The following FSTL5 variants were observed in gnomAD, a reference collection of about 807,000 sequenced individuals.
FSTL5 encodes follistatin-related protein 5.
FSTL5 carries 62 observed loss-of-function variants against 89.1 expected under a neutral mutation model. That is an observed-to-expected ratio of 0.70 (90% confidence interval 0.57 to 0.86). FSTL5 has a LOEUF of 0.86. Among genes scored for constraint, FSTL5 ranks in the 40% least tolerant of loss-of-function variants. The pLI is 0.00. For missense variants in FSTL5, 1,057 were observed against 1,001.6 expected (o/e 1.06, Z -0.75); for synonymous variants, 383 against 346.2 (o/e 1.11, Z -1.18).
At chr4:161,508,422 C>G (rs1485362791) in intron 11 of FSTL5, among the ~76,000 whole-genome samples, 1 of 152,024 alleles carries the variant, frequency 6.6e-6, no homozygotes, top group African/African-American at 2.4e-5. Flanking sequence ...TTTTATGTGA[C>G]TTAAAGTATC....
chr4:161,703,509 C>CA (rs1738472658), intron 6 of FSTL5, among the ~76,000 whole-genome samples: 1 of 152,036 alleles, frequency 6.6e-6, no homozygotes, highest in Non-Finnish European at 1.5e-5. Context: ...CCTCTTGAAG[C>CA]AAAAAACTTA....
intron 6 of FSTL5, among the ~76,000 whole-genome samples, chr4:161,690,874 C>A (rs1737918148): frequency 6.6e-6 from 1 of 152,062 alleles, no homozygotes; most frequent in South Asian, 2.1e-4. Flanking sequence ...TAATTATTAT[C>A]TCCCACTGAT....
chr4:161,898,208 A>G (rs1227791247), intron 4 of FSTL5, among the ~76,000 whole-genome samples: 2 of 150,684 alleles, frequency 1.3e-5, no homozygotes, highest in East Asian at 1.9e-4. Flanking sequence ...AATTTATCAC[A>G]CAGTATATTT....
At chr4:161,725,881 C>T (rs1739382390) in intron 6 of FSTL5, among the ~76,000 whole-genome samples, 1 of 152,114 alleles carries the variant, frequency 6.6e-6, no homozygotes, top group African/African-American at 2.4e-5. Flanking sequence ...TTACTTTTAA[C>T]GACAAAAGGT....
chr4:161,887,817 C>A (rs1422494979), intron 4 of FSTL5, among the ~76,000 whole-genome samples: 2 of 152,156 alleles, frequency 1.3e-5, no homozygotes, highest in African/African-American at 4.8e-5. Context: ...TAGGAAAATG[C>A]TCAAACCTAA....
intron 10 of FSTL5, among the ~76,000 whole-genome samples, chr4:161,520,682 T>C (rs1199768464): frequency 2.6e-5 from 4 of 152,160 alleles, no homozygotes; most frequent in African/African-American, 7.2e-5. Flanking sequence ...GTACTTTAAA[T>C]ATATCTTAGT....
At chr4:161,567,521 C>G (rs1732861439) in intron 8 of FSTL5, among the ~76,000 whole-genome samples, 1 of 151,970 alleles carries the variant, frequency 6.6e-6, no homozygotes, top group Admixed American at 6.6e-5. Flanking sequence ...GTAACATTAC[C>G]CAGTACTTGT....
chr4:162,073,742 T>C (rs1002661861), intron 2 of FSTL5, among the ~76,000 whole-genome samples: 6 of 151,904 alleles, frequency 3.9e-5, no homozygotes, highest in African/African-American at 1.4e-4. Flanking sequence ...CTACTTATTC[T>C]GGTATAATTG....
intron 6 of FSTL5, among the ~76,000 whole-genome samples, chr4:161,695,861 C>G (rs1283010454): frequency 6.6e-6 from 1 of 151,756 alleles, no homozygotes; most frequent in African/African-American, 2.4e-5. Context: ...GAATATTAGT[C>G]CTTTGTTGGA....
chr4:161,725,658 A>G (rs1489064830), intron 6 of FSTL5, among the ~76,000 whole-genome samples: 2 of 151,862 alleles, frequency 1.3e-5, no homozygotes, highest in Non-Finnish European at 2.9e-5. Flanking sequence ...ATTTTGTCTA[A>G]AAAACATAAA....
intron 4 of FSTL5, among the ~76,000 whole-genome samples, chr4:161,894,464 CT>C (rs1198105906): frequency 6.6e-6 from 1 of 151,788 alleles, no homozygotes; most frequent in Non-Finnish European, 1.5e-5. Flanking sequence ...ACAGATGTTT[CT>C]TTCTCTATAT....
chr4:161,753,130 C>A (rs926498698), intron 6 of FSTL5, among the ~76,000 whole-genome samples: 5 of 152,144 alleles, frequency 3.3e-5, no homozygotes, highest in Admixed American at 2.0e-4. Flanking sequence ...AATGACCCAA[C>A]CTTCTGACAG....
intron 2 of FSTL5, among the ~76,000 whole-genome samples, chr4:162,102,658 C>T (rs1731043639): frequency 1.4e-5 from 2 of 141,608 alleles, no homozygotes; most frequent in South Asian, 2.2e-4. Flanking sequence ...TTTATATATA[C>T]ATATATAAAA....
At chr4:161,488,723 T>G (rs1239958790) in intron 12 of FSTL5, among the ~76,000 whole-genome samples, 1 of 152,168 alleles carries the variant, frequency 6.6e-6, no homozygotes, top group Non-Finnish European at 1.5e-5. Context: ...CCACTTATTT[T>G]CATCTAGGAA....
chr4:161,758,815 G>A (rs1032537891), intron 6 of FSTL5, among the ~76,000 whole-genome samples: 6 of 152,096 alleles, frequency 3.9e-5, no homozygotes, highest in Admixed American at 6.5e-5. Flanking sequence ...ACCCATTAGC[G>A]GCCTCTTTGA....
intron 3 of FSTL5, among the ~76,000 whole-genome samples, chr4:161,938,989 G>A (rs911020200): frequency 1.3e-5 from 2 of 151,570 alleles, no homozygotes; most frequent in Non-Finnish European, 3.0e-5. Context: ...CAGTTAAAAG[G>A]GCAATTAGCA....
chr4:161,657,384 C>T (rs1202925184), intron 6 of FSTL5, among the ~76,000 whole-genome samples: 1 of 152,180 alleles, frequency 6.6e-6, no homozygotes, highest in Non-Finnish European at 1.5e-5. Flanking sequence ...TTTGACTTTG[C>T]TCACAGTCTT....
chr4:161,803,090 A>C (rs1053215907), intron 4 of FSTL5, among the ~76,000 whole-genome samples: 2 of 151,892 alleles, frequency 1.3e-5, no homozygotes, highest in Non-Finnish European at 2.9e-5. Flanking sequence ...AAACCACTAC[A>C]TGATTTCTGC....
At chr4:161,624,633 C>T (rs769600105) in intron 7 of FSTL5, among the ~76,000 whole-genome samples, 5 of 151,274 alleles carry the variant, frequency 3.3e-5, no homozygotes, top group Non-Finnish European at 5.9e-5. Context: ...TATTAAAAAC[C>T]TTAAAATACT....
Sources: allele counts gnomAD v4.1 joint callset (sites outside exome capture counted in the v4.1 genomes callset), GRCh38; gene constraint gnomAD v4.1.1; transcripts MANE v1.5; gene names NCBI Gene and HGNC (gene_info 2026-07-23, HGNC 2026-07-21).